PDCL3: variants seen among roughly 807,000 people sequenced by gnomAD.
PDCL3 encodes the protein phosducin like 3, also known as phosducin-like protein 3.
In PDCL3, 22 loss-of-function variants were observed where a neutral mutation model predicts 26.5. The ratio of observed to expected loss-of-function variants is 0.83; its 90% CI spans 0.59 to 1.19. PDCL3 has a LOEUF of 1.19. PDCL3 is among the 50% of genes most tolerant of loss of function. The probability of loss-of-function intolerance (pLI) is 0.00; values close to 1 mark genes in which losing one functional copy is unlikely to be tolerated. For synonymous variants in PDCL3, 81 were observed against 104.9 expected (o/e 0.77, Z 1.39); for missense variants, 246 against 294.1 (o/e 0.84, Z 1.20).
At chr2:100,567,031 G>A (rs1675072793) in intron 2 of PDCL3, among the ~76,000 whole-genome samples, 1 of 152,184 alleles carries the variant, frequency 6.6e-6, no homozygotes, top group Non-Finnish European at 1.5e-5. Context: ...TTTGCAATGT[G>A]TGGGAGTCTG....
At chr2:100,571,452 T>C (rs1176133627) in intron 4 of PDCL3, 138 bp from the exon 5 acceptor site, 2 of 772,866 alleles carry the variant, frequency 2.6e-6, no homozygotes, top group African/African-American at 1.8e-5. Flanking sequence ...AAAAAAAACA[T>C]GTTAATTCAT....
chr2:100,566,325 G>A (rs1675058603), intron 1 of PDCL3, among the ~76,000 whole-genome samples, 178 bp from the exon 2 acceptor site: 1 of 152,142 alleles, frequency 6.6e-6, no homozygotes, highest in South Asian at 2.1e-4. Context: ...ATTCAGGGAG[G>A]GGTAGACAGG....
chr2:100,576,614 A>G lies in PDCL3; in HGVS notation c.*118A>G. ...TTAGTTTTGTATAAATTATGTTTCA[A>G]ATCTTTACATTTTGGAAATAATCAT... On this transcript the variant is annotated 3_prime_UTR_variant, in exon 6 of 6. Coordinates refer to ENST00000264254, the MANE Select transcript of PDCL3 (RefSeq NM_024065.5). 3.7e-6 allele frequency: 4 copies of G among 1,082,700 alleles called. No individual in the cohort carries two copies. Among genetic ancestry groups the G allele is most frequent in the Non-Finnish European group, 4.8e-6 (4 of 833,042 alleles). The allele number at this position is 1,082,700 out of a possible 1,614,324, so 67.1% of individuals were successfully genotyped here.
In PDCL3 at chr2:100,571,769, T is replaced by G. The variant is rs768901405; in HGVS notation, c.548T>G (p.Val183Gly). The G allele has an allele frequency of 1.2e-6, 2 of 1,614,050 alleles. No individual in the cohort carries two copies. Among genetic ancestry groups the G allele is most frequent in the Non-Finnish European group, 1.7e-6 (2 of 1,180,016 alleles). ...AAGGCTCAGTTTATTGGTCCTCTGG[T>G]GTTTGGCGGCATGAACCTGACAAGA... is the stretch of plus-strand genomic sequence containing the variant. ...DIKAQFIGPLVFGGMNLTRDE... is the reference protein window; with the variant it reads ...DIKAQFIGPLGFGGMNLTRDE... The change falls in exon 5 of 6, where the codon GTG becomes GGG. Residue 183 changes from valine (V) to glycine (G), a missense_variant. Physicochemically the swap from Val to Gly is moderately radical, Grantham distance 109 (BLOSUM62 -3). Transcript: ENST00000264254.
intron 4 of PDCL3, among the ~76,000 whole-genome samples, chr2:100,570,125 G>C (rs967969477): frequency 6.6e-6 from 1 of 151,922 alleles, no homozygotes; most frequent in Non-Finnish European, 1.5e-5. Context: ...AAATTTTTCT[G>C]GTACTGAGTT....
At chr2:100,566,434 C>A (rs1262805215) in intron 1 of PDCL3, 69 bp from the exon 2 acceptor site, 22 of 1,552,402 alleles carry the variant, frequency 1.4e-5, no homozygotes, top group Middle Eastern at 2.4e-4. Context: ...CCCATTTGGC[C>A]CCTTGCCCAA....
chr2:100,575,700 C>T (rs781250894), intron 5 of PDCL3, among the ~76,000 whole-genome samples: 1 of 152,094 alleles, frequency 6.6e-6, no homozygotes, highest in Admixed American at 6.6e-5. Flanking sequence ...TTAGTTGGAA[C>T]AAATGTGTAA....
Position 100,569,628 on chromosome 2 carries a change from G to A in PDCL3, c.275G>A (p.Gly92Glu), listed in dbSNP as rs1388591992. The change falls in exon 4 of 6, where the codon GGA (glycine) becomes GAA (glutamate). Residue 92 changes from glycine to glutamate, a missense_variant. Transcript: ENST00000264254. Reference sequence around the variant, plus strand: ...GCAACTAAACTGAAGAATAAATTCGGAGAAGTTTTGGAGATCTCAGGGAAG... The same window carrying A: ...GCAACTAAACTGAAGAATAAATTCGAAGAAGTTTTGGAGATCTCAGGGAAG... ...WKATKLKNKF[G>E]EVLEISGKDY... 1 of 1,613,866 alleles carries A rather than the reference G, an allele frequency of 6.2e-7. No individual in the cohort carries two copies. The highest frequency in any genetic ancestry group is 1.3e-5 in the African/African-American group (1 of 74,922).
At chr2:100,575,325 CG>C (rs1022925543) in intron 5 of PDCL3, among the ~76,000 whole-genome samples, 91 of 152,158 alleles carry the variant, frequency 6.0e-4, no homozygotes, top group Admixed American at 1.6e-3. Flanking sequence ...TTAGTAGAGA[CG>C]GGGTTTCACC....
intron 2 of PDCL3, among the ~76,000 whole-genome samples, chr2:100,567,452 A>G (rs1408111245): frequency 2.0e-5 from 3 of 152,174 alleles, no homozygotes; most frequent in African/African-American, 7.2e-5. Context: ...AAAAGGGACT[A>G]GAAAGGGTTG....
At position 100,576,574 on chromosome 2, in the gene PDCL3, G is replaced by T. The variant is rs1398294589; in HGVS notation, c.*78G>T. 1.5e-6 allele frequency: 2 copies of T among 1,365,670 alleles called. No homozygotes were observed. The highest frequency in any genetic ancestry group is 1.5e-5 in the African/African-American group (1 of 66,832). 84.6% of individuals were successfully genotyped at this position (1,365,670 alleles called of 1,614,324 possible). ...TTTTAAAAAAGGAAAAAGCAAGAAT[G>T]AATCCTTGTGGTTTTTAGTTTTGTA... is the stretch of plus-strand genomic sequence containing the variant. On this transcript the variant is annotated 3_prime_UTR_variant, in exon 6 of 6. Transcript: ENST00000264254.
intron 3 of PDCL3, 96 bp downstream of exon 3, chr2:100,569,117 A>G: frequency 9.8e-7 from 1 of 1,025,302 alleles, no homozygotes; most frequent in Non-Finnish European, 1.5e-6. Context: ...TGGGCTGAGC[A>G]TGGTGACTCA....
At chr2:100,570,995 G>A (rs531240507) in intron 4 of PDCL3, among the ~76,000 whole-genome samples, 1 of 150,088 alleles carries the variant, frequency 6.7e-6, no homozygotes, top group South Asian at 2.1e-4. Context: ...ATTCAGCTGG[G>A]CATGGTGGCT....
At chr2:100,569,055 T>C in intron 3 of PDCL3, 34 bp downstream of exon 3, 1 of 1,570,610 alleles carries the variant, frequency 6.4e-7, no homozygotes, top group Non-Finnish European at 8.7e-7. Context: ...TTTGTTTTTT[T>C]GTTGTTGTTT....
At chr2:100,569,812 AT>A (rs946533989) in intron 4 of PDCL3, 91 bp downstream of exon 4, 91 of 1,469,830 alleles carry the variant, frequency 6.2e-5, no homozygotes, top group East Asian at 1.5e-4. Flanking sequence ...GGGTTAAGAA[AT>A]TTTTTTTTCT....
rs908810014 is a variant in PDCL3 at position 100,563,026 on chromosome 2, C to T, written c.-42C>T. On this transcript the variant is annotated 5_prime_UTR_variant, in exon 1 of 6. Coordinates refer to ENST00000264254, the MANE Select transcript of PDCL3 (RefSeq NM_024065.5). Reference sequence around the variant, plus strand: ...ACAAAAGAGAGCTGAGGGGCGGGGGCGCTGCGGCACAGCTGGTTTGAGCAA... The same window carrying T: ...ACAAAAGAGAGCTGAGGGGCGGGGGTGCTGCGGCACAGCTGGTTTGAGCAA... 7 of 1,584,134 alleles carry T rather than the reference C, an allele frequency of 4.4e-6. No individual in the cohort carries two copies. The highest frequency in any genetic ancestry group is 1.7e-6 in the Non-Finnish European group (2 of 1,166,138).
intron 4 of PDCL3, among the ~76,000 whole-genome samples, chr2:100,570,088 C>T (rs1253681839): frequency 1.2e-4 from 18 of 152,068 alleles, no homozygotes; most frequent in African/African-American, 3.6e-4. Flanking sequence ...CCAGCCTGGG[C>T]GACAGAGCGA....
chr2:100,563,209 C>T, intron 1 of PDCL3, 136 bp downstream of exon 1: 1 of 1,121,010 alleles, frequency 8.9e-7, no homozygotes, highest in Non-Finnish European at 1.2e-6. Flanking sequence ...GCGTCCAGGC[C>T]CTGCGCAGGC....
At chr2:100,565,532 C>T (rs978438523) in intron 1 of PDCL3, among the ~76,000 whole-genome samples, 5 of 151,996 alleles carry the variant, frequency 3.3e-5, no homozygotes, top group African/African-American at 7.3e-5. Context: ...CCTCTGCCTC[C>T]CAAAGTGCTG....
Sources: gnomAD v4.1 joint callset for allele counts (sites outside exome capture counted in the v4.1 genomes callset) on GRCh38, gnomAD v4.1.1 for gene constraint, MANE v1.5 for transcripts, NCBI Gene and HGNC (gene_info 2026-07-23, HGNC 2026-07-21) for gene names.